Variants in FRMD4A observed in about 807,000 individuals in gnomAD.
FRMD4A encodes the protein FERM domain containing 4A.
FRMD4A carries 29 observed loss-of-function variants against 129.1 expected under a neutral mutation model. The observed-to-expected ratio is 0.22, with a 90% CI of 0.17 to 0.31. FRMD4A has a LOEUF of 0.31. FRMD4A is among the 10% of genes least tolerant of loss of function. FRMD4A has a pLI of 1.00. For synonymous variants in FRMD4A, 634 were observed against 571.6 expected, an observed-to-expected ratio of 1.11 and a Z score of -1.56; for missense variants, 1,272 against 1,375.8, an observed-to-expected ratio of 0.92 and a Z score of 1.19.
intron 2 of FRMD4A, among the ~76,000 whole-genome samples, chr10:14,265,687 T>C (rs557973353): frequency 1.3e-5 from 2 of 152,300 alleles, no homozygotes; most frequent in African/African-American, 4.8e-5. Context: ...ATGAGAAGGA[T>C]AGAGGAATGG....
rs575744737 is a variant in FRMD4A at position 13,850,130 on chromosome 10, G to A, written c.111+8717C>T. On this transcript the variant is annotated intron_variant, in intron 3 of 24. Transcript: ENST00000357447. ...GCAGGAGAATTGCTTGAACCCAGGA[G>A]GTGGAGGTTGCAATAAGCCAGTAAG... Among the ~76,000 whole-genome samples, 75 of 152,150 alleles carry A rather than the reference G, an allele frequency of 4.9e-4. 2 individuals are homozygous for A. Among genetic ancestry groups the A allele is most frequent in the African/African-American group, 1.7e-3 (70 of 41,512 alleles).
intron 5 of FRMD4A, among the ~76,000 whole-genome samples, chr10:13,794,202 A>C (rs192987600): frequency 2.0e-5 from 3 of 152,076 alleles, no homozygotes; most frequent in Admixed American, 1.3e-4. Context: ...GACCAGCCTG[A>C]CCAACATGGT....
At chr10:13,911,034 C>T (rs1251483805) in intron 2 of FRMD4A, among the ~76,000 whole-genome samples, 1 of 151,994 alleles carries the variant, frequency 6.6e-6, no homozygotes, top group Non-Finnish European at 1.5e-5. Flanking sequence ...TTTTCCTTCT[C>T]AGCCAGGGAA....
intron 3 of FRMD4A, among the ~76,000 whole-genome samples, chr10:13,841,847 G>A (rs2093971244): frequency 6.6e-6 from 1 of 152,182 alleles, no homozygotes; most frequent in Non-Finnish European, 1.5e-5. Context: ...TTTGCAGCCA[G>A]TTGATCAAAG....
intron 2 of FRMD4A, among the ~76,000 whole-genome samples, chr10:14,119,740 C>T (rs758092843): frequency 1.2e-4 from 19 of 152,198 alleles, no homozygotes; most frequent in Non-Finnish European, 2.2e-4. Flanking sequence ...CCCCACAGAC[C>T]TTCCAAGGGA....
intron 24 of FRMD4A, chr10:13,649,640 A>T (rs2081386927): frequency 6.6e-6 from 1 of 152,240 alleles, no homozygotes; most frequent in Non-Finnish European, 1.5e-5. Flanking sequence ...TTATTGAAGT[A>T]CGTAAGGTAT....
chr10:13,945,548 C>T (rs112297560), intron 2 of FRMD4A, among the ~76,000 whole-genome samples: 3 of 152,168 alleles, frequency 2.0e-5, no homozygotes, highest in African/African-American at 7.2e-5. Flanking sequence ...CTCATAAATG[C>T]TTAAATATGT....
intron 2 of FRMD4A, among the ~76,000 whole-genome samples, chr10:14,182,583 C>G (rs1841948897): frequency 6.6e-6 from 1 of 152,020 alleles, no homozygotes; most frequent in African/African-American, 2.4e-5. Flanking sequence ...ATTGGCCTAT[C>G]CTTCATGGTA....
At position 13,744,006 on chromosome 10, in the gene FRMD4A, C is replaced by G. The variant is rs143405959; in HGVS notation, c.549-3429G>C. 2.0e-5 allele frequency among the ~76,000 whole-genome samples: 3 copies of G among 152,222 alleles called. No homozygotes were observed. The East Asian group carries it at 5.8e-4, about 29-fold the overall frequency. The stretch of plus-strand genomic sequence containing the variant: ...TACATGGAGGAAAAAGGCAAATGAT[C>G]AAAGCTGCCTGTGCCCAGGTCGCTG... On this transcript the variant is annotated intron_variant, in intron 9 of 24. Coordinates refer to ENST00000357447, the MANE Select transcript of FRMD4A (RefSeq NM_018027.5).
At chr10:13,694,070 G>A (rs2085986635) in intron 14 of FRMD4A, 31 bp from the exon 15 acceptor site, 3 of 1,493,272 alleles carry the variant, frequency 2.0e-6, no homozygotes, top group East Asian at 4.8e-5. Context: ...GGTCAAAGAA[G>A]TGACGCTCAC....
chr10:14,330,032 G>T, intron 2 of FRMD4A, 26 bp downstream of exon 2: 1 of 1,551,146 alleles, frequency 6.4e-7, no homozygotes, highest in Non-Finnish European at 8.7e-7. Flanking sequence ...CGCTGCCCGG[G>T]CCCCACCTCC....
chr10:14,164,307 C>T (rs1265377230), intron 2 of FRMD4A, among the ~76,000 whole-genome samples: 1 of 152,194 alleles, frequency 6.6e-6, no homozygotes, highest in East Asian at 1.9e-4. Context: ...CAGGGGCGAC[C>T]TGCGCCTGGT....
chr10:14,300,119 A>G (rs1846137079), intron 2 of FRMD4A, among the ~76,000 whole-genome samples: 1 of 151,892 alleles, frequency 6.6e-6, no homozygotes, highest in African/African-American at 2.4e-5. Context: ...TAAAAGCCCA[A>G]TAGCTCTGTT....
intron 3 of FRMD4A, among the ~76,000 whole-genome samples, chr10:13,840,665 G>C (rs1367851914): frequency 2.6e-5 from 4 of 151,788 alleles, no homozygotes; most frequent in Admixed American, 2.6e-4. Context: ...GCACATGCCT[G>C]TAATCCCAGC....
At chr10:13,799,674 T>C (rs2093209745) in intron 4 of FRMD4A, among the ~76,000 whole-genome samples, 2 of 152,154 alleles carry the variant, frequency 1.3e-5, no homozygotes, top group South Asian at 4.1e-4. Flanking sequence ...CCTTCACTCA[T>C]GCTGCCTCTC....
At chr10:14,211,182 T>C (rs575170761) in intron 2 of FRMD4A, among the ~76,000 whole-genome samples, 65 of 152,220 alleles carry the variant, frequency 4.3e-4, no homozygotes, top group Non-Finnish European at 8.8e-4. Context: ...ATAAACAACA[T>C]TATTAGCTAA....
chr10:14,231,476 G>A (rs1210159852), intron 2 of FRMD4A, among the ~76,000 whole-genome samples: 1 of 152,000 alleles, frequency 6.6e-6, no homozygotes, highest in Admixed American at 6.5e-5. Context: ...CTGAGTAGCT[G>A]GGACTACAGG....
At chr10:13,648,214 C>G (rs1255043479) in intron 24 of FRMD4A, 3 of 152,162 alleles carry the variant, frequency 2.0e-5, no homozygotes, top group Non-Finnish European at 4.4e-5. Flanking sequence ...CAGAAATAAA[C>G]CAGCTTCAGA....
chr10:14,277,546 TGA>T (rs1845383475), intron 2 of FRMD4A, among the ~76,000 whole-genome samples: 2 of 152,210 alleles, frequency 1.3e-5, no homozygotes, highest in African/African-American at 4.8e-5. Context: ...TCGAGAACTG[TGA>T]GCCATAGTTG....
Sources: allele counts gnomAD v4.1 joint callset (sites outside exome capture counted in the v4.1 genomes callset), GRCh38; gene constraint gnomAD v4.1.1; transcripts MANE v1.5; gene names NCBI Gene and HGNC (gene_info 2026-07-23, HGNC 2026-07-21).